The following SNX10 variants were observed in gnomAD, a reference collection of about 807,000 sequenced individuals.
SNX10 encodes the protein sorting nexin 10.
In SNX10, 25 loss-of-function variants were observed where a neutral mutation model predicts 28.5. That is an observed-to-expected ratio of 0.88 (90% CI 0.64 to 1.22). SNX10 has a LOEUF of 1.22. Ranked by LOEUF, SNX10 falls within the 50% of genes most tolerant of loss-of-function variation. The probability of loss-of-function intolerance (pLI) is 0.00; values close to 1 mark genes in which losing one functional copy is unlikely to be tolerated. For synonymous variants in SNX10, 62 were observed against 81.4 expected (o/e 0.76, Z 1.28); for missense variants, 223 against 242.6 (o/e 0.92, Z 0.54).
chr7:26,321,113 AG>A (rs1158714632), intron 1 of SNX10, among the ~76,000 whole-genome samples: 1 of 152,218 alleles, frequency 6.6e-6, no homozygotes, highest in Admixed American at 6.6e-5. Flanking sequence ...CGTTTGGATC[AG>A]GGTGAAAGTG....
At chr7:26,346,375 G>A (rs1788387249) in intron 1 of SNX10, 45 bp from the exon 2 acceptor site, 1 of 1,245,128 alleles carries the variant, frequency 8.0e-7, no homozygotes, top group Admixed American at 1.7e-5. Context: ...ATCCACTCCA[G>A]TTTGGAGGTT....
intron 1 of SNX10, among the ~76,000 whole-genome samples, chr7:26,332,493 A>T (rs1019969164): frequency 6.6e-6 from 1 of 152,170 alleles, no homozygotes; most frequent in Non-Finnish European, 1.5e-5. Flanking sequence ...TCCCTTAGAT[A>T]TATGATATGC....
chr7:26,364,650 G>T lies in SNX10; in HGVS notation c.212+15G>T. The stretch of plus-strand genomic sequence containing the variant: ...GCGTTGCTGGTGTAAGTGATTTAGA[G>T]TATACTGTGGAGACTTTGTCATTAT... On this transcript the variant is annotated intron_variant, in intron 4 of 6. Transcript: ENST00000338523. The surrounding 1 kb of genome is among the most constrained non-coding windows in gnomAD (Gnocchi z 4.9). The T allele has an allele frequency of 6.4e-7, 1 of 1,562,550 alleles. No homozygotes were observed. The highest frequency in any genetic ancestry group is 8.8e-7 in the Non-Finnish European group (1 of 1,135,832).
chr7:26,297,780 G>A (rs1007094408), intron 1 of SNX10, among the ~76,000 whole-genome samples: 3 of 151,972 alleles, frequency 2.0e-5, no homozygotes, highest in African/African-American at 4.8e-5. Flanking sequence ...CACCTCTGCC[G>A]CCTCTCTCTC....
chr7:26,354,136 C>T (rs1464904548), intron 2 of SNX10: 2 of 152,122 alleles, frequency 1.3e-5, no homozygotes, highest in Non-Finnish European at 2.9e-5. Context: ...ACACCTATCA[C>T]AATGGCTAAA....
chr7:26,324,575 G>T (rs1188372880), intron 1 of SNX10, among the ~76,000 whole-genome samples: 2 of 152,050 alleles, frequency 1.3e-5, no homozygotes, highest in African/African-American at 2.4e-5. Context: ...TGCCCAGGCT[G>T]GTCTTGAACT....
chr7:26,320,902 A>C (rs988634806), intron 1 of SNX10, among the ~76,000 whole-genome samples: 1 of 152,234 alleles, frequency 6.6e-6, no homozygotes, highest in African/African-American at 2.4e-5. Context: ...GTATTCCATG[A>C]CTACATCCTG....
chr7:26,352,891 A>G (rs929700823), intron 2 of SNX10, among the ~76,000 whole-genome samples: 1 of 152,198 alleles, frequency 6.6e-6, no homozygotes, highest in Non-Finnish European at 1.5e-5. Context: ...TATTTGTGGA[A>G]GAAATTGCAT....
chr7:26,331,878 C>T (rs775375766), intron 1 of SNX10, among the ~76,000 whole-genome samples: 22 of 152,200 alleles, frequency 1.4e-4, no homozygotes, highest in Non-Finnish European at 2.5e-4. Context: ...CTGTTGTGAC[C>T]GGTTTCTTTC....
intron 2 of SNX10, among the ~76,000 whole-genome samples, chr7:26,347,961 G>T (rs76865941): frequency 0.039 from 5,868 of 152,032 alleles, 143 homozygotes; most frequent in East Asian, 0.11. Context: ...TTTTGTTTTA[G>T]TAGAGACAGG....
intron 5 of SNX10, chr7:26,370,649 A>AT (rs1342095827): frequency 1.3e-5 from 2 of 152,134 alleles, no homozygotes; most frequent in African/African-American, 4.8e-5. Flanking sequence ...ATGACCTTGG[A>AT]TTTTCACTAA....
chr7:26,369,303 C>T (rs1050896476), intron 5 of SNX10, among the ~76,000 whole-genome samples: 4 of 151,994 alleles, frequency 2.6e-5, no homozygotes, highest in Non-Finnish European at 4.4e-5. Context: ...AAATATGGCA[C>T]AAACATGACT....
chr7:26,360,797 C>A, intron 2 of SNX10, 178 bp from the exon 3 acceptor site: 1 of 984,542 alleles, frequency 1.0e-6, no homozygotes. Context: ...AAAGTGTGTT[C>A]TAGATTTGCT....
chr7:26,364,740 G>A lies in SNX10; in HGVS notation c.212+105G>A, dbSNP rs530798826. On this transcript the variant is annotated intron_variant, in intron 4 of 6. Transcript: ENST00000338523. The surrounding 1 kb of genome is among the most constrained non-coding windows in gnomAD (Gnocchi z 4.9). Reference sequence around the variant, plus strand: ...ATATGAAGGATTTTTATAGGCTTTTGCCTTGATTACAATATGTAGCTTTAG... The same window carrying A: ...ATATGAAGGATTTTTATAGGCTTTTACCTTGATTACAATATGTAGCTTTAG... 77 of 790,582 alleles carry A rather than the reference G, an allele frequency of 9.7e-5. No individual in the cohort carries two copies. The highest frequency in any genetic ancestry group is 1.4e-4 in the Non-Finnish European group (73 of 505,898). 49.0% of individuals were successfully genotyped at this position (790,582 alleles called of 1,614,324 possible).
chr7:26,356,034 A>G (rs1473265502), intron 2 of SNX10, among the ~76,000 whole-genome samples: 2 of 152,188 alleles, frequency 1.3e-5, no homozygotes, highest in Non-Finnish European at 2.9e-5. Context: ...AGTTATTTTT[A>G]TTATTAGTTT....
At chr7:26,369,348 C>A (rs1789415320) in intron 5 of SNX10, among the ~76,000 whole-genome samples, 1 of 152,062 alleles carries the variant, frequency 6.6e-6, no homozygotes, top group Non-Finnish European at 1.5e-5. Context: ...ATGATGGTGG[C>A]AGTCACAGCC....
At chr7:26,314,602 G>A (rs763455390) in intron 1 of SNX10, among the ~76,000 whole-genome samples, 1 of 152,108 alleles carries the variant, frequency 6.6e-6, no homozygotes, top group East Asian at 1.9e-4. Context: ...AACTATTTCC[G>A]TAGTATATGC....
intron 1 of SNX10, among the ~76,000 whole-genome samples, chr7:26,326,614 A>G (rs564347081): frequency 9.2e-5 from 14 of 152,364 alleles, no homozygotes; most frequent in African/African-American, 2.9e-4. Flanking sequence ...GCTTAAAGCT[A>G]TATGACCTTT....
At chr7:26,300,111 T>C (rs1320151197) in intron 1 of SNX10, among the ~76,000 whole-genome samples, 1 of 152,122 alleles carries the variant, frequency 6.6e-6, no homozygotes, top group Non-Finnish European at 1.5e-5. Flanking sequence ...CTCGGGAGGC[T>C]GAGGCAGGAG....
Sources: gnomAD v4.1 joint callset for allele counts (sites outside exome capture counted in the v4.1 genomes callset) on GRCh38, gnomAD v4.1.1 for gene constraint, Gnocchi (gnomAD v3.1) non-coding constraint, MANE v1.5 for transcripts, NCBI Gene and HGNC (gene_info 2026-07-23, HGNC 2026-07-21) for gene names.